PTPRQ: variants seen among roughly 807,000 people sequenced by gnomAD.
The protein encoded by PTPRQ is protein tyrosine phosphatase receptor type Q.
In PTPRQ, 199 loss-of-function variants were observed where a neutral mutation model predicts 246.0. The ratio of observed to expected loss-of-function variants is 0.81; its 90% CI spans 0.72 to 0.91. The LOEUF (loss-of-function observed/expected upper bound fraction) is 0.91, where lower values mean the gene tolerates loss of function less well. Among genes scored for constraint, PTPRQ ranks in the 40% least tolerant of loss-of-function variants. The probability of loss-of-function intolerance (pLI) is 0.00; values close to 1 mark genes in which losing one functional copy is unlikely to be tolerated. For missense variants in PTPRQ, 2,624 were observed against 2,528.4 expected (o/e 1.04, Z -0.81); for synonymous variants, 869 against 853.2 (o/e 1.02, Z -0.32).
At chr12:80,611,744 A>G (rs1280019540) in intron 28 of PTPRQ, among the ~76,000 whole-genome samples, 1 of 150,452 alleles carries the variant, frequency 6.6e-6, no homozygotes, top group East Asian at 1.9e-4. Flanking sequence ...ATTTTTTACA[A>G]CATTGAGAGA....
intron 25 of PTPRQ, among the ~76,000 whole-genome samples, chr12:80,571,271 A>C (rs928074972): frequency 3.3e-5 from 5 of 152,102 alleles, no homozygotes; most frequent in Admixed American, 6.6e-5. Context: ...CAGCCTCCTG[A>C]GTAGCTGGGA....
chr12:80,664,489 T>C (rs1320131387), intron 39 of PTPRQ, among the ~76,000 whole-genome samples: 2 of 152,042 alleles, frequency 1.3e-5, no homozygotes, highest in Non-Finnish European at 1.5e-5. Context: ...AGAACATGGG[T>C]TGAGGAATTC....
chr12:80,620,322 C>G lies in PTPRQ; in HGVS notation c.5558C>G (p.Pro1853Arg), dbSNP rs1898932133. The stretch of plus-strand genomic sequence containing the variant: ...GGTGCTGATAATGCATGCATGATTC[C>G]TGGCAATGAAGACAAAATTTGCAAT... ...IIGADNACMI[P>R]GNEDKICNGP... Residue 1853 changes from proline (P) to arginine (R), a missense_variant, in exon 32 of 45, where the codon CCT (proline) becomes CGT (arginine). Physicochemically the swap from Pro to Arg is moderately radical, Grantham distance 103. Transcript: ENST00000644991. 1 of 1,549,180 alleles carries G rather than the reference C, an allele frequency of 6.5e-7. No individual in the cohort carries two copies. The highest frequency in any genetic ancestry group is 8.7e-7 in the Non-Finnish European group (1 of 1,145,484).
chr12:80,471,215 C>T (rs1893613970), intron 7 of PTPRQ, among the ~76,000 whole-genome samples: 1 of 152,012 alleles, frequency 6.6e-6, no homozygotes, highest in Non-Finnish European at 1.5e-5. Flanking sequence ...ACAACACCTA[C>T]CACACCTAAA....
At chr12:80,509,434 T>C (rs964389687) in intron 16 of PTPRQ, among the ~76,000 whole-genome samples, 1 of 152,070 alleles carries the variant, frequency 6.6e-6, no homozygotes, top group Non-Finnish European at 1.5e-5. Context: ...GTAAACAAAT[T>C]CTCAGAATTT....
At chr12:80,673,064 A>T in intron 42 of PTPRQ, 105 bp from the exon 43 acceptor site, 1 of 1,432,124 alleles carries the variant, frequency 7.0e-7, no homozygotes, top group Non-Finnish European at 9.2e-7. Context: ...CAAATAAGAG[A>T]AGAAACTATT....
chr12:80,649,779 A>G, intron 37 of PTPRQ, 110 bp downstream of exon 37: 1 of 1,378,588 alleles, frequency 7.3e-7, no homozygotes, highest in Non-Finnish European at 9.5e-7. Flanking sequence ...GGCCTTGATA[A>G]TCAATACCCA....
At chr12:80,621,230 G>T (rs943922840) in intron 32 of PTPRQ, among the ~76,000 whole-genome samples, 5 of 151,724 alleles carry the variant, frequency 3.3e-5, no homozygotes, top group Non-Finnish European at 7.4e-5. Flanking sequence ...TCAAATTCTA[G>T]GTTATTGCCT....
chr12:80,511,480 C>G (rs1895127033), intron 17 of PTPRQ, among the ~76,000 whole-genome samples: 1 of 152,108 alleles, frequency 6.6e-6, no homozygotes, highest in South Asian at 2.1e-4. Context: ...CCTATATACT[C>G]ATGAAGAAGA....
intron 25 of PTPRQ, among the ~76,000 whole-genome samples, chr12:80,566,351 G>A (rs2120936813): frequency 6.6e-6 from 1 of 152,000 alleles, no homozygotes; most frequent in African/African-American, 2.4e-5. Context: ...GGTGGCAGGT[G>A]CCTGTAGTCC....
rs545059399 is a variant in PTPRQ at position 80,449,737 on chromosome 12, C to T, written c.390+4020C>T. ...TCTGTTCTGTTCCATTGATCTATAT[C>T]TCTGTTTTGGTACCAGTACCATGCT... On this transcript the variant is annotated intron_variant, in intron 3 of 44. Transcript: ENST00000644991. Among the ~76,000 whole-genome samples the T allele has an allele frequency of 1.2e-4, 19 of 152,174 alleles. No individual in the cohort carries two copies. The South Asian group carries it at 3.9e-3, about 32-fold the overall frequency.
chr12:80,670,279 T>G, intron 41 of PTPRQ, 65 bp from the exon 42 acceptor site: 1 of 1,532,600 alleles, frequency 6.5e-7, no homozygotes, highest in East Asian at 2.5e-5. Context: ...CTGGGACTAT[T>G]GCCTTCAACC....
chr12:80,564,997 A>G (rs973633158), intron 25 of PTPRQ, among the ~76,000 whole-genome samples: 1 of 152,218 alleles, frequency 6.6e-6, no homozygotes, highest in Non-Finnish European at 1.5e-5. Flanking sequence ...TTCAAAAAAA[A>G]CTAAATTTCT....
intron 25 of PTPRQ, among the ~76,000 whole-genome samples, chr12:80,563,865 T>TC (rs918403257): frequency 6.6e-6 from 1 of 152,190 alleles, no homozygotes; most frequent in Non-Finnish European, 1.5e-5. Context: ...GTATGATGGT[T>TC]CGGTGCCTTA....
chr12:80,530,779 G>C (rs1297198090), intron 17 of PTPRQ, among the ~76,000 whole-genome samples: 1 of 152,108 alleles, frequency 6.6e-6, no homozygotes, highest in Non-Finnish European at 1.5e-5. Flanking sequence ...TCACACATTG[G>C]TGGTATGATT....
intron 33 of PTPRQ, among the ~76,000 whole-genome samples, chr12:80,629,451 C>T (rs747986199): frequency 1.2e-4 from 18 of 152,166 alleles, no homozygotes; most frequent in Non-Finnish European, 2.5e-4. Flanking sequence ...ACAAGGCATA[C>T]ACACCTTTGC....
At chr12:80,596,248 T>C (rs542266905) in intron 26 of PTPRQ, among the ~76,000 whole-genome samples, 1 of 152,112 alleles carries the variant, frequency 6.6e-6, no homozygotes, top group African/African-American at 2.4e-5. Flanking sequence ...AAGTATCTAA[T>C]AAAGTATTCA....
In PTPRQ at chr12:80,591,320, G is replaced by A. The variant is rs535746603; in HGVS notation, c.4609+2868G>A. On this transcript the variant is annotated intron_variant, in intron 26 of 44. Coordinates refer to ENST00000644991, the MANE Select transcript of PTPRQ (RefSeq NM_001145026.2). ...TTAAAAACAATTTTGATAGAGATGA[G>A]GTCTCACTATATTGCCCAAGCTGGT... 2.6e-5 allele frequency among the ~76,000 whole-genome samples: 4 copies of A among 151,898 alleles called. No homozygotes were observed. The East Asian group carries it at 7.8e-4, about 29-fold the overall frequency.
chr12:80,496,691 G>C (rs1194243520), intron 14 of PTPRQ, among the ~76,000 whole-genome samples, 160 bp downstream of exon 14: 1 of 152,030 alleles, frequency 6.6e-6, no homozygotes, highest in African/African-American at 2.4e-5. Flanking sequence ...AAAAGTGCAG[G>C]AAAAGGTTTA....
Sources: allele counts gnomAD v4.1 joint callset (sites outside exome capture counted in the v4.1 genomes callset), GRCh38; gene constraint gnomAD v4.1.1; transcripts MANE v1.5; gene names NCBI Gene and HGNC (gene_info 2026-07-23, HGNC 2026-07-21).